The following LRRC4C variants were observed in gnomAD, a reference collection of about 807,000 sequenced individuals.
The protein encoded by LRRC4C is leucine-rich repeat-containing protein 4C.
In LRRC4C, 5 loss-of-function variants were observed where a neutral mutation model predicts 33.6. The observed-to-expected ratio is 0.15, with a 90% confidence interval of 0.08 to 0.31. LRRC4C has a LOEUF of 0.31. Among genes scored for constraint, LRRC4C ranks in the 10% least tolerant of loss-of-function variants. The probability of loss-of-function intolerance (pLI) is 1.00; values close to 1 mark genes in which losing one functional copy is unlikely to be tolerated. For synonymous variants in LRRC4C, 329 were observed against 302.0 expected, an observed-to-expected ratio of 1.09 and a Z score of -0.93; for missense variants, 560 against 796.7, an observed-to-expected ratio of 0.70 and a Z score of 3.58.
intron 1 of LRRC4C, among the ~76,000 whole-genome samples, chr11:40,963,898 G>A (rs1042610483): frequency 6.6e-6 from 1 of 151,664 alleles, no homozygotes; most frequent in African/African-American, 2.4e-5. Flanking sequence ...TTTTACTACT[G>A]CAAAATGCAG....
intron 1 of LRRC4C, among the ~76,000 whole-genome samples, chr11:41,124,017 T>A (rs1465445480): frequency 6.6e-6 from 1 of 152,242 alleles, no homozygotes; most frequent in Non-Finnish European, 1.5e-5. Context: ...CCTAAATTCC[T>A]ATCACTGGTT....
At chr11:41,271,650 C>T (rs1949325211) in intron 1 of LRRC4C, among the ~76,000 whole-genome samples, 2 of 151,894 alleles carry the variant, frequency 1.3e-5, no homozygotes, top group South Asian at 2.1e-4. Context: ...AAAAAAATAC[C>T]GTATTTATTA....
chr11:40,134,987 G>C (rs1856872447), intron 6 of LRRC4C, among the ~76,000 whole-genome samples: 1 of 152,188 alleles, frequency 6.6e-6, no homozygotes, highest in Non-Finnish European at 1.5e-5. Flanking sequence ...ATCTGAGCAA[G>C]GGGAGGAAAC....
chr11:41,264,501 T>C (rs1244291742), intron 1 of LRRC4C, among the ~76,000 whole-genome samples: 8 of 152,152 alleles, frequency 5.3e-5, no homozygotes, highest in Non-Finnish European at 1.0e-4. Context: ...ATAAATACCA[T>C]TTTTCAGTTA....
At chr11:40,211,869 T>C (rs917746434) in intron 5 of LRRC4C, among the ~76,000 whole-genome samples, 2 of 152,196 alleles carry the variant, frequency 1.3e-5, no homozygotes, top group Non-Finnish European at 2.9e-5. Flanking sequence ...CTGTGGATCA[T>C]GTTTTTACTT....
At chr11:41,081,399 G>C (rs1939557964) in intron 1 of LRRC4C, among the ~76,000 whole-genome samples, 1 of 152,164 alleles carries the variant, frequency 6.6e-6, no homozygotes, top group African/African-American at 2.4e-5. Context: ...CAAAGATGCA[G>C]CAGTGAATTC....
At chr11:40,972,210 C>T (rs1399668124) in intron 1 of LRRC4C, among the ~76,000 whole-genome samples, 1 of 150,186 alleles carries the variant, frequency 6.7e-6, no homozygotes, top group Non-Finnish European at 1.5e-5. Flanking sequence ...AATCTTGGCT[C>T]ACTGCAACTT....
At chr11:41,296,315 CTT>C (rs11347878) in intron 1 of LRRC4C, among the ~76,000 whole-genome samples, 4 of 147,510 alleles carry the variant, frequency 2.7e-5, no homozygotes, top group Non-Finnish European at 4.5e-5. Context: ...TTATGCTGTG[CTT>C]TTTTTTTTTT....
intron 1 of LRRC4C, among the ~76,000 whole-genome samples, chr11:41,242,242 A>G (rs1014808986): frequency 6.6e-6 from 1 of 152,110 alleles, no homozygotes; most frequent in Admixed American, 6.5e-5. Flanking sequence ...CTATAACCTT[A>G]GATAGTGAAT....
chr11:40,115,884 T>G lies in LRRC4C; in HGVS notation c.409A>C (p.Thr137Pro). The stretch of plus-strand genomic sequence containing the variant: ...ACAAAAGCTCCATTCGGGATGGTAG[T>G]AAGACGATTGTCAAAGAGTTCCAGA... ...NTLELFDNRL[T>P]TIPNGAFVYL... The change falls in exon 7 of 7, where the codon ACT becomes CCT. Residue 137 changes from threonine (T) to proline (P), a missense_variant. Transcript: ENST00000528697. The surrounding 1 kb of genome is among the most constrained non-coding windows in gnomAD (Gnocchi z 6.7). 6.2e-7 allele frequency: 1 copy of G among 1,614,122 alleles called. No homozygotes were observed. The highest frequency in any genetic ancestry group is 1.1e-5 in the South Asian group (1 of 91,080).
intron 1 of LRRC4C, among the ~76,000 whole-genome samples, chr11:41,420,049 C>T (rs567233895): frequency 3.3e-5 from 5 of 151,948 alleles, no homozygotes; most frequent in African/African-American, 9.6e-5. Context: ...TTTTTCTTCT[C>T]GGGGAACATC....
At chr11:40,645,487 G>A (rs1202523064) in intron 3 of LRRC4C, among the ~76,000 whole-genome samples, 1 of 152,184 alleles carries the variant, frequency 6.6e-6, no homozygotes, top group African/African-American at 2.4e-5. Context: ...GAGAATAGAA[G>A]CTTGAGAGGG....
intron 2 of LRRC4C, among the ~76,000 whole-genome samples, chr11:40,701,522 G>T (rs1010132775): frequency 3.3e-5 from 5 of 151,504 alleles, no homozygotes; most frequent in Non-Finnish European, 7.4e-5. Context: ...GATGGCAAAC[G>T]TGTGGGCATT....
chr11:40,801,768 A>T (rs1591759373), intron 2 of LRRC4C, among the ~76,000 whole-genome samples: 2 of 152,052 alleles, frequency 1.3e-5, no homozygotes, highest in South Asian at 4.1e-4. Flanking sequence ...TTTTTGACCT[A>T]AAAGTAATAG....
At chr11:40,417,571 C>T (rs539921039) in intron 3 of LRRC4C, among the ~76,000 whole-genome samples, 31 of 152,014 alleles carry the variant, frequency 2.0e-4, no homozygotes, top group South Asian at 1.9e-3. Flanking sequence ...GATCTGCCCA[C>T]CTCTGCCTGA....
At chr11:40,265,610 A>C (rs16934661) in intron 4 of LRRC4C, among the ~76,000 whole-genome samples, 38,372 of 152,030 alleles carry the variant, frequency 0.25, 5,050 homozygotes, top group Admixed American at 0.32. Context: ...ATTTCAGCAA[A>C]ACTTAACTCC....
At chr11:41,182,731 A>G (rs916901294) in intron 1 of LRRC4C, among the ~76,000 whole-genome samples, 2 of 152,070 alleles carry the variant, frequency 1.3e-5, no homozygotes, top group African/African-American at 4.8e-5. Context: ...CTGTTCAATT[A>G]TCTAATAACT....
chr11:40,987,074 G>C (rs901329280), intron 1 of LRRC4C, among the ~76,000 whole-genome samples: 2 of 152,110 alleles, frequency 1.3e-5, no homozygotes, highest in Non-Finnish European at 2.9e-5. Flanking sequence ...CTCTGACATA[G>C]GGTACATTAT....
chr11:40,767,635 C>T (rs1949538368), intron 2 of LRRC4C, among the ~76,000 whole-genome samples: 1 of 151,790 alleles, frequency 6.6e-6, no homozygotes, highest in South Asian at 2.1e-4. Context: ...CTTCTCTGAC[C>T]ACAATAAAAT....
Sources: allele counts gnomAD v4.1 joint callset (sites outside exome capture counted in the v4.1 genomes callset), GRCh38; gene constraint gnomAD v4.1.1; non-coding constraint Gnocchi (gnomAD v3.1); transcripts MANE v1.5; gene names NCBI Gene and HGNC (gene_info 2026-07-23, HGNC 2026-07-21).